Variants in IFT140 observed in about 807,000 individuals in gnomAD.
The protein encoded by IFT140 is intraflagellar transport 140.
A neutral mutation model predicts 164.6 loss-of-function variants in IFT140; 133 were observed. The ratio of observed to expected loss-of-function variants is 0.81; its 90% CI spans 0.70 to 0.93. IFT140 has a LOEUF of 0.93. Ranked by LOEUF, IFT140 falls within the 40% of genes least tolerant of loss-of-function variation. IFT140 has a pLI of 0.00. For missense variants in IFT140, 2,045 were observed against 1,972.3 expected, an observed-to-expected ratio of 1.04 and a Z score of -0.70; for synonymous variants, 860 against 817.3, an observed-to-expected ratio of 1.05 and a Z score of -0.89.
Position 1,602,522 on chromosome 16 carries a change from G to A in IFT140, c.217C>T (p.Arg73Trp), listed in dbSNP as rs201990219. 6.2e-6 allele frequency: 10 copies of A among 1,614,108 alleles called. No individual in the cohort carries two copies. Among genetic ancestry groups the A allele is most frequent in the Admixed American group, 3.3e-5 (2 of 60,028 alleles). Residue 73 changes from arginine to tryptophan, a missense_variant, in exon 4 of 31, where the codon CGG (arginine) becomes TGG (tryptophan). By Grantham distance (101) the Arg-to-Trp change is moderately radical. Transcript: ENST00000426508. The stretch of plus-strand genomic sequence containing the variant: ...TCCCAGCCCACAGCCAGCACCAGCC[G>A]CGTCGGGTGCCAGCACAGGGAAGCA... Reference protein sequence around the residue: ...RVASLCWHPTRLVLAVGWETG... With the variant: ...RVASLCWHPTWLVLAVGWETG...
In IFT140 at chr16:1,587,210, A is replaced by G. The variant is rs2141851372; in HGVS notation, c.997T>C (p.Cys333Arg). 1 of 1,606,994 alleles carries G rather than the reference A, an allele frequency of 6.2e-7. No individual in the cohort carries two copies. The highest frequency in any genetic ancestry group is 8.5e-7 in the Non-Finnish European group (1 of 1,173,624). The change falls in exon 9 of 31, where the codon TGT (cysteine) becomes CGT (arginine). Residue 333 changes from cysteine (C) to arginine (R), a missense_variant. Transcript: ENST00000426508. ...KGENMNCVCY[C>R]KVKGLLAAGT... ...CAGGAAGCCTCACCTTTGACTTTAC[A>G]GTAACACACACAGTTCATATTCTCT...
chr16:1,541,103 CTCCATCTGCCCCTGACCACGCA>C, intron 19 of IFT140: 1 of 985,444 alleles, frequency 1.0e-6, no homozygotes, highest in South Asian at 4.7e-5. Context: ...TCACAGAAGG[CTCCATCTGCCCCTGACCACGCA>C]TCCATGTGCC....
Position 1,519,922 on chromosome 16 carries a change from C to T in IFT140, c.3999G>A (p.Gln1333=), listed in dbSNP as rs751530824. 2.5e-6 allele frequency: 4 copies of T among 1,595,732 alleles called. No individual in the cohort carries two copies. The highest frequency in any genetic ancestry group is 2.3e-5 in the South Asian group (2 of 88,438). Residue 1333 remains glutamine (Q), a synonymous_variant, in exon 29 of 31, where the codon CAG becomes CAA. Transcript: ENST00000426508. ...ACCTCTTCACCAGTGCCATCCTGCT[C>T]TGCAGCTGCGCCAGCCTGGTCTCCT... ...LDQETRLAQL[Q]SRMALVKRFI... is the part of the protein sequence containing the mutation.
Position 1,602,605 on chromosome 16 carries a change from G to C in IFT140, c.148-14C>G, listed in dbSNP as rs763887431. 4 of 1,607,246 alleles carry C rather than the reference G, an allele frequency of 2.5e-6. No individual in the cohort carries two copies. In the Admixed American group the frequency reaches 5.0e-5, roughly 20 times the overall value. On this transcript the variant is annotated splice_polypyrimidine_tract_variant and intron_variant, in intron 3 of 30. Transcript: ENST00000426508. ...CACGCACTCCCCCTGCATTGGATGA[G>C]AGGCAAATTCCCACAGTTCAGAGAG...
Position 1,566,214 on chromosome 16 carries a change from A to C in IFT140, c.1848T>G (p.Thr616=), listed in dbSNP as rs752933715. The C allele has an allele frequency of 1.2e-6, 2 of 1,613,886 alleles. No individual in the cohort carries two copies. Among genetic ancestry groups the C allele is most frequent in the East Asian group, 2.2e-5 (1 of 44,880 alleles). ...GCGTCTCTCTCCGATCAATTTGTCC[A>C]GTCTTGAAGTCAAAGACGGTCACTG... ...MDTVTVFDFK[T]GQIDRRETLS... is the part of the protein sequence containing the mutation. The change falls in exon 16 of 31, where the codon ACT becomes ACG. Residue 616 remains threonine (T), a synonymous_variant. Transcript: ENST00000426508.
intron 15 of IFT140, 40 bp from the exon 16 acceptor site, chr16:1,566,331 C>T: frequency 6.2e-7 from 1 of 1,607,736 alleles, no homozygotes. Context: ...GGAGCCTGCC[C>T]AGACCAGCGG....
chr16:1,524,723 G>C (rs1461801293), intron 23 of IFT140, 28 bp from the exon 24 acceptor site: 3 of 1,579,920 alleles, frequency 1.9e-6, no homozygotes, highest in East Asian at 2.3e-5. Context: ...CCAAAGACGA[G>C]ACACGGTGGC....
rs1294115653 is a variant in IFT140, at chr16:1,553,625, C to G, written c.2399+4310G>C. ...TTTGGGTACAAGAAACAGACTCACTCAGGTTACTGTAACAGAGAGGGAGGG... is the reference window on the plus strand; with the variant it reads ...TTTGGGTACAAGAAACAGACTCACTGAGGTTACTGTAACAGAGAGGGAGGG... On this transcript the variant is annotated intron_variant, in intron 19 of 30. Transcript: ENST00000426508. The surrounding 1 kb of genome is among the most constrained non-coding windows in gnomAD (Gnocchi z 4.4). The G allele has an allele frequency of 1.9e-6, 2 of 1,041,892 alleles. No homozygotes were observed. Among genetic ancestry groups the G allele is most frequent in the Non-Finnish European group, 2.3e-6 (2 of 861,960 alleles). 64.5% of individuals were successfully genotyped at this position (1,041,892 alleles called of 1,614,324 possible).
intron 12 of IFT140, among the ~76,000 whole-genome samples, chr16:1,583,002 G>A (rs2141794067): frequency 6.6e-6 from 1 of 152,338 alleles, no homozygotes; most frequent in Non-Finnish European, 1.5e-5. Context: ...CTGGCCTTGG[G>A]TCAAGACACC....
intron 19 of IFT140, among the ~76,000 whole-genome samples, chr16:1,535,823 G>A (rs918831354): frequency 2.0e-5 from 3 of 152,210 alleles, no homozygotes; most frequent in Non-Finnish European, 2.9e-5. Context: ...ACCAACAGCC[G>A]TCTTTTAAAA....
intron 12 of IFT140, among the ~76,000 whole-genome samples, chr16:1,581,779 C>CGGAGGGGAGG (rs1446631048): frequency 1.4e-4 from 1 of 7,154 alleles, no homozygotes; most frequent in Non-Finnish European, 2.6e-4. Context: ...GGGAGGGGAG[C>CGGAGGGGAGG]GGAGGGGAGG....
At chr16:1,568,836 G>A (rs891700954) in intron 14 of IFT140, among the ~76,000 whole-genome samples, 1 of 152,170 alleles carries the variant, frequency 6.6e-6, no homozygotes, top group African/African-American at 2.4e-5. Context: ...CTCTGTTTCC[G>A]CGATTTTTCG....
chr16:1,585,872 G>A (rs1596414143), intron 10 of IFT140, among the ~76,000 whole-genome samples: 2 of 148,982 alleles, frequency 1.3e-5, no homozygotes, highest in South Asian at 2.1e-4. Flanking sequence ...CTGGGTTCAC[G>A]ACATTCTCCT....
At chr16:1,562,259 C>T in intron 17 of IFT140, 143 bp from the exon 18 acceptor site, 1 of 609,086 alleles carries the variant, frequency 1.6e-6, no homozygotes, top group Non-Finnish European at 2.6e-6. Context: ...GGGTGCTTTG[C>T]TTTGATTACA....
intron 30 of IFT140, among the ~76,000 whole-genome samples, chr16:1,513,831 A>G (rs537147532): frequency 0.013 from 1,978 of 146,758 alleles, 54 homozygotes; most frequent in African/African-American, 0.047. Context: ...CCACCACCAC[A>G]CCCGGCTAAT....
In IFT140 at chr16:1,595,056, C is replaced by T. The variant is rs181704280; in HGVS notation, c.370-2468G>A. ...ATCCCAGCACTTTGGGAGGCCGAGG[C>T]GGGCGGATCACAAGGTCAGGAGATG... On this transcript the variant is annotated intron_variant, in intron 4 of 30. Coordinates refer to ENST00000426508, the MANE Select transcript of IFT140 (RefSeq NM_014714.4). 2.6e-3 allele frequency among the ~76,000 whole-genome samples: 401 copies of T among 152,194 alleles called. 17 individuals are homozygous for T. In the East Asian group the frequency reaches 0.073, roughly 28 times the overall value.
Position 1,592,476 on chromosome 16 carries a change from G to C in IFT140, c.482C>G (p.Pro161Arg), listed in dbSNP as rs191927317. The C allele has an allele frequency of 1.1e-5, 18 of 1,613,952 alleles. No individual in the cohort carries two copies. The highest frequency in any genetic ancestry group is 2.7e-5 in the African/African-American group (2 of 74,924). ...CAAGCCCCACACTTACTCGCCAGGA[G>C]GGGGGAGCCGGAAGATGCAGTGCGT... ...HLTHCIFRLP[P>R]PGEDLVQLAK... Residue 161 changes from proline (P) to arginine (R), a missense_variant, in exon 5 of 31, where the codon CCT becomes CGT. Pro to Arg is a moderately radical substitution (Grantham distance 103). Coordinates refer to ENST00000426508, the MANE Select transcript of IFT140 (RefSeq NM_014714.4).
chr16:1,557,759 C>G (rs1468255463), intron 19 of IFT140, 176 bp downstream of exon 19: 1 of 650,678 alleles, frequency 1.5e-6, no homozygotes, highest in Non-Finnish European at 2.7e-6. Context: ...GAGCTTCCCA[C>G]GTGGCATCTG....
intron 18 of IFT140, among the ~76,000 whole-genome samples, chr16:1,558,776 G>A (rs1247201970): frequency 6.6e-6 from 1 of 152,228 alleles, no homozygotes; most frequent in Non-Finnish European, 1.5e-5. Context: ...GTTTCTCTGA[G>A]AGCACACGCA....
Sources: gnomAD v4.1 joint callset for allele counts (sites outside exome capture counted in the v4.1 genomes callset) on GRCh38, gnomAD v4.1.1 for gene constraint, Gnocchi (gnomAD v3.1) non-coding constraint, MANE v1.5 for transcripts, NCBI Gene and HGNC (gene_info 2026-07-23, HGNC 2026-07-21) for gene names.